Variants in ESRRG observed in about 807,000 individuals in gnomAD.
ESRRG encodes estrogen related receptor gamma.
Under a neutral mutation model 44.0 loss-of-function variants are expected in ESRRG, and 13 were observed. That is an observed-to-expected ratio of 0.30 (90% confidence interval 0.19 to 0.47). The LOEUF (loss-of-function observed/expected upper bound fraction) is 0.47. ESRRG is among the 20% of genes least tolerant of loss of function. ESRRG has a pLI of 1.00. For missense variants in ESRRG, 395 were observed against 580.6 expected (o/e 0.68, Z 3.29); for synonymous variants, 215 against 214.6 (o/e 1.00, Z -0.02).
chr1:216,743,654 G>GTCATCA (rs149123678), intron 2 of ESRRG, among the ~76,000 whole-genome samples: 23,885 of 151,862 alleles, frequency 0.16, 1,864 homozygotes, highest in Middle Eastern at 0.24. Flanking sequence ...CTTCACTGTT[G>GTCATCA]TCATCATCAT....
rs141024932 is a variant in ESRRG, at chr1:216,989,998, A to T, written c.-105-50325T>A. On this transcript the variant is annotated intron_variant, in intron 1 of 7. Coordinates refer to the ESRRG transcript ENST00000359162. ...ATAATGTGTCTTAGCTGAGATGTGG[A>T]CGGTTAACAAGGTACATAATGATCT... is the stretch of plus-strand genomic sequence containing the variant. Among the ~76,000 whole-genome samples, 812 of 152,268 alleles carry T rather than the reference A, an allele frequency of 5.3e-3. 2 individuals are homozygous for T. The highest frequency in any genetic ancestry group is 8.4e-3 in the Non-Finnish European group (572 of 68,002).
rs75877582 is a variant in ESRRG at position 216,820,013 on chromosome 1, G to A, written c.-14+119569C>T. 8.3e-3 allele frequency among the ~76,000 whole-genome samples: 1,267 copies of A among 152,284 alleles called. 25 individuals are homozygous for A. Among genetic ancestry groups the A allele is most frequent in the African/African-American group, 0.028 (1,182 of 41,560 alleles). On this transcript the variant is annotated intron_variant, in intron 2 of 7. Transcript: ENST00000359162. ...GCATATGGCAGAGGAGAGAAGAAGC[G>A]TTCATCATTCCATTTAGGGGAGAAA...
chr1:216,672,396 T>C (rs937542261), intron 2 of ESRRG, among the ~76,000 whole-genome samples: 1 of 152,224 alleles, frequency 6.6e-6, no homozygotes, highest in Non-Finnish European at 1.5e-5. Flanking sequence ...TTGAAATCCA[T>C]GATTAATTGT....
intron 1 of ESRRG, chr1:216,707,539 T>C: frequency 1.3e-6 from 2 of 1,495,998 alleles, no homozygotes; most frequent in Non-Finnish European, 8.9e-7. Context: ...TGCTGAAGTT[T>C]TATGTAAAAC....
intron 2 of ESRRG, among the ~76,000 whole-genome samples, chr1:216,877,719 G>A (rs1313023402): frequency 6.6e-6 from 1 of 151,994 alleles, no homozygotes; most frequent in Non-Finnish European, 1.5e-5. Flanking sequence ...ACCGCGCCCG[G>A]CCTATATGTA....
upstream of ESRRG, chr1:217,089,714 C>T (rs1426477570): frequency 2.6e-5 from 4 of 152,074 alleles, no homozygotes; most frequent in Non-Finnish European, 5.9e-5. Flanking sequence ...GGGCACGGCC[C>T]CCCGCTCTGC....
At chr1:216,906,113 A>G (rs1323310414) in intron 2 of ESRRG, among the ~76,000 whole-genome samples, 1 of 152,228 alleles carries the variant, frequency 6.6e-6, no homozygotes, top group East Asian at 1.9e-4. Flanking sequence ...CACAGTATGT[A>G]CTAGTGATTA....
At chr1:216,964,797 G>C (rs1050871212) in intron 1 of ESRRG, among the ~76,000 whole-genome samples, 1 of 151,924 alleles carries the variant, frequency 6.6e-6, no homozygotes, top group Non-Finnish European at 1.5e-5. Context: ...ATGATCCACA[G>C]AGGTGGTGGG....
At chr1:216,982,798 T>C (rs2074180491) in intron 1 of ESRRG, among the ~76,000 whole-genome samples, 1 of 151,982 alleles carries the variant, frequency 6.6e-6, no homozygotes, top group Non-Finnish European at 1.5e-5. Flanking sequence ...AGACCCAGAG[T>C]TTAATGAGCA....
At chr1:217,040,075 A>T (rs1221513237) in intron 1 of ESRRG, among the ~76,000 whole-genome samples, 1 of 152,186 alleles carries the variant, frequency 6.6e-6, no homozygotes, top group East Asian at 1.9e-4. Flanking sequence ...GAATGGCAAC[A>T]ATGGCTAAAT....
At chr1:216,717,659 T>C (rs2085198147) in intron 1 of ESRRG, among the ~76,000 whole-genome samples, 3 of 151,776 alleles carry the variant, frequency 2.0e-5, no homozygotes, top group African/African-American at 7.2e-5. Context: ...ATAAGTGCTT[T>C]CTCTCAACAG....
At chr1:216,832,953 C>T (rs144577656) in intron 2 of ESRRG, among the ~76,000 whole-genome samples, 198 of 149,470 alleles carry the variant, frequency 1.3e-3, no homozygotes, top group Middle Eastern at 0.01. Context: ...CCAGCCTGGG[C>T]GACAGAGTGG....
intron 2 of ESRRG, among the ~76,000 whole-genome samples, chr1:216,919,513 A>G (rs1050533771): frequency 1.3e-5 from 2 of 152,206 alleles, no homozygotes; most frequent in Admixed American, 1.3e-4. Context: ...ATCCGTTGCT[A>G]GGTTAACAAT....
intron 1 of ESRRG, among the ~76,000 whole-genome samples, chr1:216,993,311 T>A (rs766225511): frequency 6.6e-6 from 1 of 152,158 alleles, no homozygotes; most frequent in Non-Finnish European, 1.5e-5. Flanking sequence ...TCCCTCACCA[T>A]CTCCCTCCTT....
chr1:216,972,250 A>C (rs1383128237), intron 1 of ESRRG, among the ~76,000 whole-genome samples: 1 of 152,176 alleles, frequency 6.6e-6, no homozygotes, highest in East Asian at 1.9e-4. Flanking sequence ...AGTGGTCAGC[A>C]ATCTATCAGG....
chr1:216,583,698 A>C (rs1194700249), intron 3 of ESRRG, among the ~76,000 whole-genome samples: 1 of 152,246 alleles, frequency 6.6e-6, no homozygotes. Context: ...TTAATGTCAT[A>C]ATAAAGACAT....
intron 3 of ESRRG, among the ~76,000 whole-genome samples, chr1:216,571,653 T>A (rs1337774198): frequency 6.8e-6 from 1 of 147,884 alleles, no homozygotes; most frequent in Non-Finnish European, 1.5e-5. Flanking sequence ...TATCTATGCA[T>A]TCACTCGTAC....
At chr1:217,050,885 G>A (rs2085835265) in intron 1 of ESRRG, among the ~76,000 whole-genome samples, 1 of 151,982 alleles carries the variant, frequency 6.6e-6, no homozygotes, top group African/African-American at 2.4e-5. Context: ...GGCTCCAAAT[G>A]ATAAAAATAG....
intron 3 of ESRRG, among the ~76,000 whole-genome samples, chr1:216,578,917 C>T (rs577395217): frequency 1.1e-4 from 16 of 152,028 alleles, no homozygotes; most frequent in African/African-American, 3.9e-4. Context: ...CAATTCAACT[C>T]TTGAGGAATG....
Sources: allele counts gnomAD v4.1 joint callset (sites outside exome capture counted in the v4.1 genomes callset), GRCh38; gene constraint gnomAD v4.1.1; transcripts MANE v1.5; gene names NCBI Gene and HGNC (gene_info 2026-07-23, HGNC 2026-07-21).